Variants in NUDT3 observed in about 807,000 individuals in gnomAD.
NUDT3 encodes the protein nudix hydrolase 3.
A neutral mutation model predicts 23.6 loss-of-function variants in NUDT3; 9 were observed. That is an observed-to-expected ratio of 0.38 (90% CI 0.23 to 0.66). The LOEUF is 0.66. Among genes scored for constraint, NUDT3 ranks in the 30% least tolerant of loss-of-function variants. NUDT3 has a pLI of 0.52. For missense variants in NUDT3, 172 were observed against 218.5 expected (o/e 0.79, Z 1.34); for synonymous variants, 86 against 82.6 (o/e 1.04, Z -0.22).
Position 34,283,675 on chromosome 6 carries a change from C to T in NUDT3, c.*5078G>A, listed in dbSNP as rs17628798. On this transcript the variant is annotated 3_prime_UTR_variant, in exon 5 of 5. Coordinates refer to ENST00000607016, the MANE Select transcript of NUDT3 (RefSeq NM_006703.4). ...GCAAAAACATGGTCAAATGTGAAAC[C>T]GCCCTTTTAGAGGCAGGGTTTGTGA... is the stretch of plus-strand genomic sequence containing the variant. The T allele has an allele frequency of 0.083, 12,638 of 152,192 alleles. 695 individuals carry two copies. The highest frequency in any genetic ancestry group is 0.12 in the Non-Finnish European group (8,041 of 68,002). The allele number at this position is 152,192 out of a possible 1,614,324, so 9.4% of individuals were successfully genotyped here. A position where few individuals can be genotyped will look rare whatever the true frequency, so the allele number is the denominator to read the frequency against.
At chr6:34,323,694 T>C (rs1030830480) in intron 2 of NUDT3, among the ~76,000 whole-genome samples, 1 of 152,246 alleles carries the variant, frequency 6.6e-6, no homozygotes, top group Non-Finnish European at 1.5e-5. Flanking sequence ...TGTCACACTA[T>C]CTACAACTTT....
At position 34,353,767 on chromosome 6, in the gene NUDT3, T is replaced by C. The variant is rs116199666; in HGVS notation, c.100-11795A>G. Among the ~76,000 whole-genome samples the C allele has an allele frequency of 1.6e-3, 242 of 152,002 alleles. 2 individuals are homozygous for C. Among genetic ancestry groups the C allele is most frequent in the African/African-American group, 5.2e-3 (215 of 41,460 alleles). On this transcript the variant is annotated intron_variant, in intron 1 of 4. Transcript: ENST00000607016. The stretch of plus-strand genomic sequence containing the variant: ...ACCCAGGCTGGAGTGCAGTGGTGCA[T>C]CATAGCTCACTGAAGCCTTGACCTC...
chr6:34,327,182 C>T (rs905755334), intron 2 of NUDT3, among the ~76,000 whole-genome samples: 21 of 152,026 alleles, frequency 1.4e-4, no homozygotes, highest in Admixed American at 3.9e-4. Context: ...TATAGGTAGC[C>T]GAAACAGAGA....
intron 2 of NUDT3, among the ~76,000 whole-genome samples, chr6:34,332,998 GCTTTT>G (rs1764150693): frequency 6.6e-6 from 1 of 152,110 alleles, no homozygotes; most frequent in Non-Finnish European, 1.5e-5. Context: ...ACAAAGAGGT[GCTTTT>G]CTTTTTTATT....
chr6:34,293,693 A>G (rs1037554083), intron 3 of NUDT3, among the ~76,000 whole-genome samples, 158 bp from the exon 4 acceptor site: 1 of 152,250 alleles, frequency 6.6e-6, no homozygotes, highest in Non-Finnish European at 1.5e-5. Flanking sequence ...CATGATTTAA[A>G]GCAGGCCACA....
chr6:34,363,268 C>T (rs1176210023), intron 1 of NUDT3, among the ~76,000 whole-genome samples: 1 of 152,136 alleles, frequency 6.6e-6, no homozygotes, highest in Non-Finnish European at 1.5e-5. Flanking sequence ...TCCTCCAGAT[C>T]CATATCTCAA....
chr6:34,349,896 C>T (rs2113741888), intron 1 of NUDT3, among the ~76,000 whole-genome samples: 1 of 150,456 alleles, frequency 6.6e-6, no homozygotes, highest in South Asian at 2.1e-4. Flanking sequence ...CGAGACCATC[C>T]TGGTTAAAAC....
intron 1 of NUDT3, among the ~76,000 whole-genome samples, chr6:34,347,376 T>G (rs1373041866): frequency 1.3e-5 from 2 of 152,206 alleles, no homozygotes; most frequent in African/African-American, 2.4e-5. Context: ...CAGACCTTTT[T>G]GAAGCTTTAG....
chr6:34,378,213 G>A (rs1764957295), intron 1 of NUDT3, among the ~76,000 whole-genome samples: 2 of 152,072 alleles, frequency 1.3e-5, no homozygotes, highest in East Asian at 3.9e-4. Context: ...TGAGGTGGGA[G>A]AAGTGCTTGC....
At chr6:34,376,322 T>C (rs1010999885) in intron 1 of NUDT3, among the ~76,000 whole-genome samples, 1 of 152,096 alleles carries the variant, frequency 6.6e-6, no homozygotes, top group South Asian at 2.1e-4. Context: ...TCATGCCACT[T>C]GACCTCCCAG....
intron 4 of NUDT3, among the ~76,000 whole-genome samples, chr6:34,290,653 C>T (rs1307453207): frequency 6.6e-6 from 1 of 150,478 alleles, no homozygotes. Context: ...GATCATGCCA[C>T]TGTACTCCAG....
At chr6:34,383,088 T>C (rs1335412891) in intron 1 of NUDT3, among the ~76,000 whole-genome samples, 6 of 148,658 alleles carry the variant, frequency 4.0e-5, no homozygotes, top group East Asian at 2.0e-4. Flanking sequence ...GATGGCGCCA[T>C]TGCACTCCAG....
chr6:34,325,666 A>G (rs990691052), intron 2 of NUDT3, among the ~76,000 whole-genome samples: 1 of 152,246 alleles, frequency 6.6e-6, no homozygotes, highest in Non-Finnish European at 1.5e-5. Context: ...CTACGGAGCC[A>G]CATTTCCCAC....
intron 1 of NUDT3, among the ~76,000 whole-genome samples, chr6:34,362,976 T>C (rs555453750): frequency 1.3e-5 from 2 of 152,276 alleles, no homozygotes; most frequent in East Asian, 3.9e-4. Flanking sequence ...CTAACCCTCA[T>C]GAGAGTCCTG....
chr6:34,303,507 A>G (rs553964767), intron 2 of NUDT3, among the ~76,000 whole-genome samples: 1 of 152,292 alleles, frequency 6.6e-6, no homozygotes, highest in South Asian at 2.1e-4. Flanking sequence ...ATGTTAGCAT[A>G]ATAGCAAGCA....
chr6:34,329,200 A>G (rs1764088453), intron 2 of NUDT3, among the ~76,000 whole-genome samples: 1 of 152,186 alleles, frequency 6.6e-6, no homozygotes, highest in Non-Finnish European at 1.5e-5. Context: ...TGTGTTGTGT[A>G]TATATATAGA....
intron 1 of NUDT3, among the ~76,000 whole-genome samples, chr6:34,359,424 C>A (rs1764614200): frequency 6.6e-6 from 1 of 152,036 alleles, no homozygotes; most frequent in South Asian, 2.1e-4. Context: ...GCAGTTATTC[C>A]CTGTCCCCAT....
At chr6:34,341,795 G>A in intron 2 of NUDT3, 67 bp downstream of exon 2, 1 of 1,428,766 alleles carries the variant, frequency 7.0e-7, no homozygotes, top group Non-Finnish European at 9.7e-7. Flanking sequence ...ACATATTAAA[G>A]AACTACACAG....
At chr6:34,293,394 G>A (rs1763452785) in intron 4 of NUDT3, 57 bp downstream of exon 4, 3 of 1,600,936 alleles carry the variant, frequency 1.9e-6, no homozygotes, top group South Asian at 2.2e-5. Context: ...CATGACCTGT[G>A]GCATGGCAAG....
Sources: allele counts gnomAD v4.1 joint callset (sites outside exome capture counted in the v4.1 genomes callset), GRCh38; gene constraint gnomAD v4.1.1; transcripts MANE v1.5; gene names NCBI Gene and HGNC (gene_info 2026-07-23, HGNC 2026-07-21).